Variants in PEX1 observed in about 807,000 individuals in gnomAD.
PEX1 encodes peroxisomal ATPase PEX1.
PEX1 carries 97 observed loss-of-function variants against 152.5 expected under a neutral mutation model. That is an observed-to-expected ratio of 0.64 (90% CI 0.54 to 0.75). The LOEUF is 0.75. PEX1 is among the 30% of genes least tolerant of loss of function. The pLI, the probability that PEX1 is intolerant of heterozygous loss-of-function variation, is 0.00. For missense variants in PEX1, 1,357 were observed against 1,516.3 expected (o/e 0.89, Z 1.74); for synonymous variants, 485 against 531.6 (o/e 0.91, Z 1.21).
chr7:92,499,576 TAGAG>T (rs1284746333), intron 16 of PEX1, 124 bp downstream of exon 16: 7 of 766,570 alleles, frequency 9.1e-6, no homozygotes, highest in African/African-American at 5.3e-5. Flanking sequence ...GTTTTGAAAT[TAGAG>T]AGAGGTGGTG....
At position 92,528,415 on chromosome 7, in the gene PEX1, C is replaced by T. The variant is rs1041458425; in HGVS notation, c.21G>A (p.Leu7=). The change falls in exon 1 of 24, where the codon CTG becomes CTA. Residue 7 remains leucine (L), a synonymous_variant. Transcript: ENST00000248633. ...CCGCCCCGCCTCCCCCAGCACCCGCCAGGCGATCGCTGCCCCACATCGTCC... is the reference window on the plus strand; with the variant it reads ...CCGCCCCGCCTCCCCCAGCACCCGCTAGGCGATCGCTGCCCCACATCGTCC... MWGSDR[L]AGAGGGGAAV... The T allele has an allele frequency of 3.8e-6, 6 of 1,595,768 alleles. No individual in the cohort carries two copies. Among genetic ancestry groups the T allele is most frequent in the East Asian group, 2.3e-5 (1 of 44,064 alleles).
chr7:92,512,496 T>C (rs553695165), intron 6 of PEX1, among the ~76,000 whole-genome samples: 94 of 151,582 alleles, frequency 6.2e-4, no homozygotes, highest in Middle Eastern at 3.4e-3. Flanking sequence ...CTAATTTTTA[T>C]TTTTACTTTT....
At position 92,493,032 on chromosome 7, in the gene PEX1, G is replaced by GTA; in HGVS notation, c.3126_3127dup (p.Thr1043IlefsTer6). The GTA allele has an allele frequency of 3.1e-6, 5 of 1,612,900 alleles. No individual in the cohort carries two copies. The highest frequency in any genetic ancestry group is 4.2e-6 in the Non-Finnish European group (5 of 1,178,922). On this transcript the variant is annotated frameshift_variant, in exon 20 of 24. Transcript: ENST00000248633. LOFTEE classifies it high-confidence loss of function. ...AAGTAAAGCTTTCAGATCAGCTCCAGTAAAGGAGTCAGTTACTGATGCTAC... is the reference window on the plus strand; with the variant it reads ...AAGTAAAGCTTTCAGATCAGCTCCAGTATAAAGGAGTCAGTTACTGATGCTAC...
At chr7:92,506,215 A>G in intron 11 of PEX1, 33 bp downstream of exon 11, 2 of 1,114,718 alleles carry the variant, frequency 1.8e-6, no homozygotes, top group Non-Finnish European at 2.8e-6. Context: ...CTAATGAAAA[A>G]GGGATTTATA....
chr7:92,491,692 G>A, intron 20 of PEX1, 190 bp from the exon 21 acceptor site: 1 of 558,460 alleles, frequency 1.8e-6, no homozygotes, highest in Non-Finnish European at 3.2e-6. Flanking sequence ...ATAAAGACAA[G>A]ATAGAATGTG....
At chr7:92,502,126 T>A in intron 13 of PEX1, 47 bp from the exon 14 acceptor site, 1 of 1,290,062 alleles carries the variant, frequency 7.8e-7, no homozygotes, top group Non-Finnish European at 1.1e-6. Context: ...TATTCAACTG[T>A]ATATTTTTGA....
chr7:92,518,885 A>C, intron 3 of PEX1, 110 bp downstream of exon 3: 3 of 857,060 alleles, frequency 3.5e-6, no homozygotes, highest in Non-Finnish European at 5.8e-6. Flanking sequence ...TCATTCTTAT[A>C]ATTCAAAACC....
intron 1 of PEX1, among the ~76,000 whole-genome samples, chr7:92,527,745 C>G (rs774365424): frequency 2.0e-5 from 3 of 152,232 alleles, no homozygotes; most frequent in Non-Finnish European, 4.4e-5. Context: ...AGAAGGGCGA[C>G]TGATCGCAGA....
intron 1 of PEX1, 88 bp from the exon 2 acceptor site, chr7:92,522,333 T>C (rs1159976687): frequency 1.7e-5 from 22 of 1,318,150 alleles, no homozygotes; most frequent in Non-Finnish European, 2.2e-5. Context: ...ACAATTCACA[T>C]GTCCAAAAAG....
chr7:92,489,906 T>G lies in PEX1; in HGVS notation c.3444A>C (p.Ser1148=). ...TGGAGCTTGGTGCAGAGAGACATTG[T>G]GAGCTCTGCATGGTAAATTGTAGTA... is the stretch of plus-strand genomic sequence containing the variant. The part of the protein sequence containing the change: ...LGNGTSSDLS[S]QCLSAPSSMT... Residue 1148 remains serine, a synonymous_variant, in exon 22 of 24, where the codon TCA becomes TCC. Coordinates refer to ENST00000248633, the MANE Select transcript of PEX1 (RefSeq NM_000466.3). 1 of 1,612,908 alleles carries G rather than the reference T, an allele frequency of 6.2e-7. No individual in the cohort carries two copies. Among genetic ancestry groups the G allele is most frequent in the South Asian group, 1.1e-5 (1 of 91,026 alleles).
Position 92,510,970 on chromosome 7 carries a change from T to G in PEX1, c.1561A>C (p.Asn521His). The change falls in exon 8 of 24, where the codon AAT (asparagine) becomes CAT (histidine). Residue 521 changes from asparagine (N) to histidine (H), a missense_variant. Transcript: ENST00000248633. The stretch of plus-strand genomic sequence containing the variant: ...TGTATTGTAGTCTTCTGCAGCAAAT[T>G]GGGACTCAACAGAAAAATATTTTTA... Reference protein sequence around the residue: ...KDKNIFLLSPNLLQKTTIQVL... With the variant: ...KDKNIFLLSPHLLQKTTIQVL... 1 of 1,564,122 alleles carries G rather than the reference T, an allele frequency of 6.4e-7. No homozygotes were observed. The highest frequency in any genetic ancestry group is 8.8e-7 in the Non-Finnish European group (1 of 1,135,272).
intron 5 of PEX1, among the ~76,000 whole-genome samples, chr7:92,515,902 G>A (rs1382896332): frequency 1.3e-5 from 2 of 151,936 alleles, no homozygotes; most frequent in Admixed American, 6.6e-5. Context: ...GCTGAGGCAG[G>A]AGAATCATTT....
rs371575516 is a variant in PEX1, at chr7:92,489,395, G to A, written c.3665C>T (p.Pro1222Leu). The change falls in exon 23 of 24, where the codon CCA becomes CTA. Residue 1222 changes from proline (P) to leucine (L), a missense_variant. By Grantham distance (98) the Pro-to-Leu change is moderately conservative. Transcript: ENST00000248633. The stretch of plus-strand genomic sequence containing the variant: ...ACTAATAGCCAGTCTGGTTTTGATT[G>A]GTCCTGGTTGGTTCATGGATTCGTC... ...GEDESMNQPG[P>L]IKTRLAISQS... The A allele has an allele frequency of 1.2e-6, 2 of 1,612,552 alleles. No individual in the cohort carries two copies. The highest frequency in any genetic ancestry group is 1.7e-6 in the Non-Finnish European group (2 of 1,178,712).
At chr7:92,524,142 C>T (rs1357086176) in intron 1 of PEX1, among the ~76,000 whole-genome samples, 2 of 152,002 alleles carry the variant, frequency 1.3e-5, no homozygotes, top group Non-Finnish European at 2.9e-5. Context: ...GGCTCGAGTA[C>T]AGTGGCAAAA....
chr7:92,506,871 G>A (rs778925160), intron 10 of PEX1, 123 bp downstream of exon 10: 41 of 918,562 alleles, frequency 4.5e-5, no homozygotes, highest in South Asian at 1.2e-4. Context: ...TCCATATGTC[G>A]TATAAACCCT....
intron 1 of PEX1, among the ~76,000 whole-genome samples, chr7:92,524,443 T>G (rs1030760600): frequency 6.6e-6 from 1 of 151,864 alleles, no homozygotes; most frequent in Non-Finnish European, 1.5e-5. Flanking sequence ...ATTTTTGTAT[T>G]TTTAGTAGAG....
At chr7:92,509,025 A>G (rs570159868) in intron 9 of PEX1, among the ~76,000 whole-genome samples, 30 of 152,148 alleles carry the variant, frequency 2.0e-4, no homozygotes, top group Admixed American at 1.7e-3. Context: ...CTTTCTTCTC[A>G]TCGATCAATT....
Position 92,522,241 on chromosome 7 carries a change from T to C in PEX1, c.134A>G (p.Gln45Arg), listed in dbSNP as rs758309091. The stretch of plus-strand genomic sequence containing the variant: ...GTGACTCCAGACCACTTCTATAGCT[T>C]GATTCTATTCATATAAGAAATGAGA... ...LVAQLHLLQN[Q>R]AIEVVWSHQP... The change falls in exon 2 of 24, where the codon CAA (glutamine) becomes CGA (arginine). Residue 45 changes from glutamine to arginine, a missense_variant. Gln to Arg is a conservative substitution (Grantham distance 43). Transcript: ENST00000248633. 6 of 1,613,960 alleles carry C rather than the reference T, an allele frequency of 3.7e-6. No individual in the cohort carries two copies. In the Admixed American group the frequency reaches 6.7e-5, roughly 18 times the overall value.
intron 6 of PEX1, among the ~76,000 whole-genome samples, chr7:92,512,895 T>A (rs1792545774): frequency 1.3e-5 from 2 of 152,082 alleles, no homozygotes; most frequent in South Asian, 4.1e-4. Flanking sequence ...CTTCCCAAAG[T>A]GCTAGGATTA....
Sources: gnomAD v4.1 joint callset for allele counts (sites outside exome capture counted in the v4.1 genomes callset) on GRCh38, gnomAD v4.1.1 for gene constraint, MANE v1.5 for transcripts, NCBI Gene and HGNC (gene_info 2026-07-23, HGNC 2026-07-21) for gene names.